The following SLC22A2 variants were observed in gnomAD, a reference collection of about 807,000 sequenced individuals.
SLC22A2 encodes the protein organic cation transporter 2.
In SLC22A2, 46 loss-of-function variants were observed where a neutral mutation model predicts 60.5. The observed-to-expected ratio is 0.76, with a 90% confidence interval of 0.60 to 0.97. The LOEUF (loss-of-function observed/expected upper bound fraction) is 0.97, where lower values mean the gene tolerates loss of function less well. Among genes scored for constraint, SLC22A2 ranks in the 50% least tolerant of loss-of-function variants. The pLI is 0.00. For synonymous variants in SLC22A2, 303 were observed against 267.0 expected (o/e 1.13, Z -1.31); for missense variants, 701 against 706.6 (o/e 0.99, Z 0.09).
chr6:160,247,213 T>G lies in SLC22A2; in HGVS notation c.928A>C (p.Asn310His). Reference sequence around the variant, plus strand: ...AGGGAGGCGGGTAGAGATTTTCCATTTTTCTTTGCGATGTGCTTAATGATT... The same window carrying G: ...AGGGAGGCGGGTAGAGATTTTCCATGTTTCTTTGCGATGTGCTTAATGATT... ...MRIIKHIAKK[N>H]GKSLPASLQR... Residue 310 changes from asparagine (N) to histidine (H), a missense_variant, in exon 5 of 11, where the codon AAT becomes CAT. Asn to His is a moderately conservative substitution (Grantham distance 68). Transcript: ENST00000366953. 2 of 1,612,586 alleles carry G rather than the reference T, an allele frequency of 1.2e-6. No individual in the cohort carries two copies. The highest frequency in any genetic ancestry group is 1.7e-6 in the Non-Finnish European group (2 of 1,178,616).
At chr6:160,219,197 G>GCAA (rs762804231) in intron 10 of SLC22A2, among the ~76,000 whole-genome samples, 3 of 24,878 alleles carry the variant, frequency 1.2e-4, no homozygotes, top group African/African-American at 4.5e-4. Flanking sequence ...AACAACAGTA[G>GCAA]CAGCAGTAGG....
intron 9 of SLC22A2, among the ~76,000 whole-genome samples, chr6:160,238,496 C>A (rs1782948598): frequency 6.6e-6 from 1 of 152,118 alleles, no homozygotes; most frequent in Non-Finnish European, 1.5e-5. Flanking sequence ...CAAAGACAGG[C>A]CTAGTTAACC....
chr6:160,254,785 A>G (rs553688990), intron 2 of SLC22A2, among the ~76,000 whole-genome samples: 1 of 152,336 alleles, frequency 6.6e-6, no homozygotes, highest in Admixed American at 6.5e-5. Context: ...AACAATAGGA[A>G]CAAAATAATG....
intron 10 of SLC22A2, among the ~76,000 whole-genome samples, chr6:160,220,860 T>C (rs942270058): frequency 2.0e-5 from 3 of 152,212 alleles, no homozygotes; most frequent in Non-Finnish European, 4.4e-5. Flanking sequence ...TGTAAACAGA[T>C]GTACTGTTAT....
intron 10 of SLC22A2, among the ~76,000 whole-genome samples, chr6:160,218,928 CAG>C (rs1782591661): frequency 1.8e-5 from 2 of 108,124 alleles, no homozygotes; most frequent in Non-Finnish European, 3.9e-5. Flanking sequence ...GCAGCAGCAA[CAG>C]AAGTAGCAGT....
In SLC22A2 at chr6:160,217,376, C is replaced by T; in HGVS notation, c.*56G>A. The T allele has an allele frequency of 1.8e-6, 2 of 1,135,960 alleles. No individual in the cohort carries two copies. Among genetic ancestry groups the T allele is most frequent in the Non-Finnish European group, 2.6e-6 (2 of 757,176 alleles). The allele number at this position is 1,135,960 out of a possible 1,614,324, so 70.4% of individuals were successfully genotyped here. Reference sequence around the variant, plus strand: ...TTTGTGATGAGTGCAGGGATTTCTACTTTTGGTCTTGCTGCCATCAAAGCT... The same window carrying T: ...TTTGTGATGAGTGCAGGGATTTCTATTTTTGGTCTTGCTGCCATCAAAGCT... On this transcript the variant is annotated 3_prime_UTR_variant, in exon 11 of 11. Transcript: ENST00000366953.
In SLC22A2 at chr6:160,217,310, T is replaced by G. The variant is rs1583386242; in HGVS notation, c.*122A>C. 1 of 611,292 alleles carries G rather than the reference T, an allele frequency of 1.6e-6. No homozygotes were observed. Among genetic ancestry groups the G allele is most frequent in the East Asian group, 2.8e-5 (1 of 36,238 alleles). The allele number at this position is 611,292 out of a possible 1,614,324, so 37.9% of individuals were successfully genotyped here. On this transcript the variant is annotated 3_prime_UTR_variant, in exon 11 of 11. Transcript: ENST00000366953. ...AGACTCCACTGGCTGTAGACCTAGG[T>G]TGATAGGGCTCAGGGGTAAGTTTGG...
Position 160,243,581 on chromosome 6 carries a change from T to C in SLC22A2, c.1270A>G (p.Ile424Val). ...TTCACCTGAAACTTACCACCAGGTA[T>C]AAAAACTGAGGCCAGACAGGCTGCC... ...AGAACLASVF[I>V]PGDLQWLKII... The change falls in exon 7 of 11, where the codon ATA (isoleucine) becomes GTA (valine). Residue 424 changes from isoleucine to valine, a missense_variant. Physicochemically the swap from Ile to Val is conservative, Grantham distance 29 (BLOSUM62 3). Transcript: ENST00000366953. The C allele has an allele frequency of 6.2e-7, 1 of 1,613,530 alleles. No homozygotes were observed. The highest frequency in any genetic ancestry group is 1.3e-5 in the African/African-American group (1 of 74,984).
chr6:160,236,057 T>G (rs866973300), intron 9 of SLC22A2, among the ~76,000 whole-genome samples: 17 of 152,316 alleles, frequency 1.1e-4, no homozygotes, highest in Middle Eastern at 3.4e-3. Context: ...ATTTGTCAAT[T>G]GTGTTTTTGA....
At chr6:160,232,820 A>C (rs930916299) in intron 9 of SLC22A2, among the ~76,000 whole-genome samples, 22 of 151,806 alleles carry the variant, frequency 1.4e-4, no homozygotes, top group Non-Finnish European at 4.4e-5. Context: ...TCTCCTTCTC[A>C]TCTGACCACT....
chr6:160,251,182 C>T (rs1198310605), intron 2 of SLC22A2, among the ~76,000 whole-genome samples: 1 of 152,126 alleles, frequency 6.6e-6, no homozygotes, highest in African/African-American at 2.4e-5. Flanking sequence ...TGCTTTTAGG[C>T]TTTGTGAAAA....
intron 9 of SLC22A2, among the ~76,000 whole-genome samples, chr6:160,230,986 C>A (rs902381235): frequency 6.6e-6 from 1 of 151,940 alleles, no homozygotes; most frequent in East Asian, 1.9e-4. Flanking sequence ...CCAATCACCT[C>A]GGAAGCCCCC....
chr6:160,250,622 T>C lies in SLC22A2; in HGVS notation c.599A>G (p.Tyr200Cys). The C allele has an allele frequency of 6.2e-7, 1 of 1,614,048 alleles. No individual in the cohort carries two copies. Among genetic ancestry groups the C allele is most frequent in the African/African-American group, 1.3e-5 (1 of 75,008 alleles). The change falls in exon 3 of 11, where the codon TAT becomes TGT. Residue 200 changes from tyrosine to cysteine, a missense_variant. Tyr to Cys is a radical substitution (Grantham distance 194). Coordinates refer to ENST00000366953, the MANE Select transcript of SLC22A2 (RefSeq NM_003058.4). ...TAAGCGAAAAATTAACATCCACGTA[T>C]AGGTTGGGGAAATGGCCATGAGAAC... is the stretch of plus-strand genomic sequence containing the variant. ...AGVLMAISPT[Y>C]TWMLIFRLIQ...
At position 160,249,208 on chromosome 6, in the gene SLC22A2, G is replaced by A. The variant is rs866558522; in HGVS notation, c.842+8C>T. 6.4e-7 allele frequency: 1 copy of A among 1,563,938 alleles called. No individual in the cohort carries two copies. Among genetic ancestry groups the A allele is most frequent in the African/African-American group, 1.4e-5 (1 of 72,688 alleles). ...GATTTATTTCCTTTTTATTCCAAAT[G>A]GACTTACCAGTAATAGAGCAAGAAG... On this transcript the variant is annotated splice_region_variant and intron_variant, in intron 4 of 10. Coordinates refer to ENST00000366953, the MANE Select transcript of SLC22A2 (RefSeq NM_003058.4).
chr6:160,249,191 T>C, intron 4 of SLC22A2, 25 bp downstream of exon 4: 1 of 1,503,074 alleles, frequency 6.7e-7, no homozygotes. Flanking sequence ...TTGATTTATT[T>C]CCTTTTTATT....
rs1409364612 is a variant in SLC22A2, at chr6:160,242,275, C to T, written c.1388+19G>A. On this transcript the variant is annotated intron_variant, in intron 8 of 10. Transcript: ENST00000366953. ...AAATGTCTCACCCACCCTCGTCATTCTAAGGAAAATGCACTCACCTAATGA... is the reference window on the plus strand; with the variant it reads ...AAATGTCTCACCCACCCTCGTCATTTTAAGGAAAATGCACTCACCTAATGA... 12 of 1,344,166 alleles carry T rather than the reference C, an allele frequency of 8.9e-6. No individual in the cohort carries two copies. The highest frequency in any genetic ancestry group is 1.7e-5 in the Admixed American group (1 of 59,646). The allele number at this position is 1,344,166 out of a possible 1,614,324, so 83.3% of individuals were successfully genotyped here.
intron 2 of SLC22A2, among the ~76,000 whole-genome samples, chr6:160,252,195 C>T (rs1254914618): frequency 2.6e-5 from 4 of 152,178 alleles, no homozygotes; most frequent in Non-Finnish European, 5.9e-5. Context: ...TTTAGCATTT[C>T]TTCCCACATT....
chr6:160,237,799 A>G (rs533874684), intron 9 of SLC22A2, among the ~76,000 whole-genome samples: 4 of 152,206 alleles, frequency 2.6e-5, no homozygotes, highest in Non-Finnish European at 5.9e-5. Flanking sequence ...TTGGCACAAG[A>G]TACAGGTCAT....
chr6:160,234,858 T>C (rs1782886015), intron 9 of SLC22A2, among the ~76,000 whole-genome samples: 1 of 152,250 alleles, frequency 6.6e-6, no homozygotes, highest in African/African-American at 2.4e-5. Context: ...GGTTCAATCC[T>C]GGCTTAGGGA....
Sources: allele counts gnomAD v4.1 joint callset (sites outside exome capture counted in the v4.1 genomes callset), GRCh38; gene constraint gnomAD v4.1.1; transcripts MANE v1.5; gene names NCBI Gene and HGNC (gene_info 2026-07-23, HGNC 2026-07-21).